LTBP1: variants seen among roughly 807,000 people sequenced by gnomAD.
The protein encoded by LTBP1 is latent-transforming growth factor beta-binding protein 1.
Under a neutral mutation model 207.6 loss-of-function variants are expected in LTBP1, and 129 were observed. That is an observed-to-expected ratio of 0.62 (90% CI 0.54 to 0.72). LTBP1 has a LOEUF of 0.72. Ranked by LOEUF, LTBP1 falls within the 30% of genes least tolerant of loss-of-function variation. The pLI, the probability that LTBP1 is intolerant of heterozygous loss-of-function variation, is 0.00. For synonymous variants in LTBP1, 963 were observed against 833.7 expected (o/e 1.16, Z -2.67); for missense variants, 2,281 against 2,217.2 (o/e 1.03, Z -0.58).
chr2:32,968,404 C>T (rs1346357411), intron 2 of LTBP1, among the ~76,000 whole-genome samples: 1 of 152,220 alleles, frequency 6.6e-6, no homozygotes. Context: ...TTTCCTTGCT[C>T]TGACGCCAGC....
At chr2:32,999,258 C>T (rs1483633099) in intron 2 of LTBP1, among the ~76,000 whole-genome samples, 3 of 152,192 alleles carry the variant, frequency 2.0e-5, no homozygotes, top group African/African-American at 7.2e-5. Context: ...TGCATATTCA[C>T]ATTTGAGAAG....
intron 3 of LTBP1, among the ~76,000 whole-genome samples, chr2:33,107,798 C>T (rs1250446204): frequency 6.6e-6 from 1 of 152,186 alleles, no homozygotes; most frequent in Non-Finnish European, 1.5e-5. Context: ...GAACCAGAAT[C>T]CCTGCAGTTT....
chr2:33,139,059 C>T (rs963694020), intron 5 of LTBP1, among the ~76,000 whole-genome samples: 37 of 151,222 alleles, frequency 2.4e-4, no homozygotes, highest in African/African-American at 5.8e-4. Context: ...GGGGTTTCAC[C>T]GTGTTAGCCA....
rs961068646 is a variant in LTBP1, at chr2:33,000,881, G to A, written c.566-20028G>A. ...GAGGGGGGGTTCAAACACTCAACCCGCTTCATCTGCTTCATGTATTAAGCT... is the reference window on the plus strand; with the variant it reads ...GAGGGGGGGTTCAAACACTCAACCCACTTCATCTGCTTCATGTATTAAGCT... On this transcript the variant is annotated intron_variant, in intron 2 of 33. Transcript: ENST00000404816. Among the ~76,000 whole-genome samples the A allele has an allele frequency of 8.2e-5, 11 of 134,302 alleles. 1 individual carries two copies. The highest frequency in any genetic ancestry group is 2.9e-4 in the African/African-American group (11 of 38,538). 88.1% of individuals were successfully genotyped at this position (134,302 alleles called of 152,430 possible). A position where few individuals can be genotyped will look rare whatever the true frequency, so the allele number is the denominator to read the frequency against.
intron 3 of LTBP1, among the ~76,000 whole-genome samples, chr2:33,099,597 AG>A (rs1459220051): frequency 6.6e-6 from 1 of 152,190 alleles, no homozygotes; most frequent in Non-Finnish European, 1.5e-5. Context: ...TGAGACTTAG[AG>A]GAATTTGGTA....
At chr2:32,960,931 T>G (rs936575478) in intron 2 of LTBP1, among the ~76,000 whole-genome samples, 10 of 152,176 alleles carry the variant, frequency 6.6e-5, no homozygotes, top group African/African-American at 2.4e-4. Context: ...TCTTCTAGGC[T>G]GTGTGAGGCC....
chr2:33,150,704 C>CTTTTTTT (rs1211013076), intron 5 of LTBP1, among the ~76,000 whole-genome samples: 10 of 108,828 alleles, frequency 9.2e-5, no homozygotes, highest in African/African-American at 3.1e-4. Flanking sequence ...TTTCTTTTTT[C>CTTTTTTT]TTTTTCTTTT....
intron 7 of LTBP1, among the ~76,000 whole-genome samples, chr2:33,215,899 G>C (rs1235596440): frequency 6.6e-6 from 1 of 151,852 alleles, no homozygotes; most frequent in African/African-American, 2.4e-5. Context: ...TATTTTAGTA[G>C]AGACAGGGTT....
chr2:33,309,945 A>G (rs1291387023), intron 23 of LTBP1, among the ~76,000 whole-genome samples: 7 of 132,878 alleles, frequency 5.3e-5, no homozygotes, highest in Non-Finnish European at 1.1e-4. Flanking sequence ...AGTGCCCGCC[A>G]TTGCTTTTTT....
chr2:33,196,900 T>G (rs1156498381), intron 7 of LTBP1, among the ~76,000 whole-genome samples: 1 of 152,230 alleles, frequency 6.6e-6, no homozygotes, highest in Non-Finnish European at 1.5e-5. Context: ...TGATGATAGC[T>G]TAAATTCATG....
intron 5 of LTBP1, among the ~76,000 whole-genome samples, chr2:33,162,782 A>C (rs17012615): frequency 0.017 from 2,544 of 152,338 alleles, 25 homozygotes; most frequent in East Asian, 0.027. Context: ...AATAAACAAT[A>C]TAAGTGAATA....
At chr2:33,205,190 A>G (rs1005871495) in intron 7 of LTBP1, among the ~76,000 whole-genome samples, 1 of 152,250 alleles carries the variant, frequency 6.6e-6, no homozygotes, top group African/African-American at 2.4e-5. Flanking sequence ...CGTCTTTAGT[A>G]TCAGTTTCTC....
intron 9 of LTBP1, among the ~76,000 whole-genome samples, chr2:33,227,046 C>CTT (rs111635007): frequency 1.4e-5 from 2 of 139,858 alleles, no homozygotes; most frequent in East Asian, 2.1e-4. Context: ...TTTTTTTTGT[C>CTT]TTTTTTTTGA....
At chr2:33,253,647 T>C (rs375439131) in intron 11 of LTBP1, among the ~76,000 whole-genome samples, 1 of 152,182 alleles carries the variant, frequency 6.6e-6, no homozygotes, top group African/African-American at 2.4e-5. Flanking sequence ...CCTAGGAAAG[T>C]GTCTTAACTC....
chr2:33,104,633 C>G (rs141678678), intron 3 of LTBP1, among the ~76,000 whole-genome samples: 63 of 152,294 alleles, frequency 4.1e-4, no homozygotes, highest in African/African-American at 1.4e-3. Context: ...CTCCTATATT[C>G]TCTTTATGTC....
At chr2:33,390,419 C>T (rs948147313) in intron 32 of LTBP1, among the ~76,000 whole-genome samples, 1 of 152,030 alleles carries the variant, frequency 6.6e-6, no homozygotes, top group African/African-American at 2.4e-5. Context: ...AGAACGAGAA[C>T]AGGAAAACGC....
At chr2:33,221,889 T>A (rs1392978452) in intron 8 of LTBP1, among the ~76,000 whole-genome samples, 191 bp from the exon 9 acceptor site, 1 of 152,176 alleles carries the variant, frequency 6.6e-6, no homozygotes, top group Non-Finnish European at 1.5e-5. Context: ...TGGGACTTTA[T>A]TGCAAAATAA....
chr2:33,148,439 G>C (rs1233416152), intron 5 of LTBP1, among the ~76,000 whole-genome samples: 1 of 152,182 alleles, frequency 6.6e-6, no homozygotes, highest in Non-Finnish European at 1.5e-5. Flanking sequence ...TGATACTTGA[G>C]AGTACTTTGA....
chr2:33,389,786 C>T (rs1410623922), intron 32 of LTBP1, among the ~76,000 whole-genome samples: 1 of 152,200 alleles, frequency 6.6e-6, no homozygotes, highest in South Asian at 2.1e-4. Flanking sequence ...ATTGCAGGCA[C>T]GCACCACCAT....
Sources: gnomAD v4.1 joint callset for allele counts (sites outside exome capture counted in the v4.1 genomes callset) on GRCh38, gnomAD v4.1.1 for gene constraint, MANE v1.5 for transcripts, NCBI Gene and HGNC (gene_info 2026-07-23, HGNC 2026-07-21) for gene names.